The following DLG2 variants were observed in gnomAD, a reference collection of about 807,000 sequenced individuals.
DLG2 encodes the protein discs large MAGUK scaffold protein 2.
In DLG2, 45 loss-of-function variants were observed where a neutral mutation model predicts 132.5. That is an observed-to-expected ratio of 0.34 (90% confidence interval 0.27 to 0.44). The LOEUF (loss-of-function observed/expected upper bound fraction) is 0.44. Among genes scored for constraint, DLG2 ranks in the 20% least tolerant of loss-of-function variants. The pLI, the probability that DLG2 is intolerant of heterozygous loss-of-function variation, is 1.00. For missense variants in DLG2, 1,045 were observed against 1,196.9 expected (o/e 0.87, Z 1.87); for synonymous variants, 424 against 419.6 (o/e 1.01, Z -0.13).
At chr11:83,959,437 T>C (rs2087873453) in intron 14 of DLG2, among the ~76,000 whole-genome samples, 1 of 152,152 alleles carries the variant, frequency 6.6e-6, no homozygotes, top group South Asian at 2.1e-4. Context: ...GTTTCCCTAC[T>C]GGCCCAAGTT....
intron 6 of DLG2, chr11:84,545,700 C>T: frequency 3.6e-6 from 1 of 279,448 alleles, no homozygotes; most frequent in Admixed American, 3.6e-5. Context: ...TTCATGATTT[C>T]AGTCACTTCA....
intron 6 of DLG2, among the ~76,000 whole-genome samples, chr11:84,901,980 G>A (rs1264314951): frequency 6.6e-6 from 1 of 151,952 alleles, no homozygotes; most frequent in Non-Finnish European, 1.5e-5. Flanking sequence ...AAACATATAG[G>A]TTATAATAAG....
chr11:85,319,509 G>T (rs2080907098), intron 3 of DLG2, among the ~76,000 whole-genome samples: 1 of 151,704 alleles, frequency 6.6e-6, no homozygotes, highest in Admixed American at 6.6e-5. Flanking sequence ...CATATAATTT[G>T]TATAAACACT....
At chr11:85,211,359 C>G (rs1374942494) in intron 4 of DLG2, among the ~76,000 whole-genome samples, 1 of 152,022 alleles carries the variant, frequency 6.6e-6, no homozygotes, top group African/African-American at 2.4e-5. Flanking sequence ...GTATGGAGCA[C>G]AAATAACTTC....
chr11:84,162,421 T>C (rs975187361), intron 9 of DLG2, among the ~76,000 whole-genome samples: 1 of 151,906 alleles, frequency 6.6e-6, no homozygotes, highest in South Asian at 2.1e-4. Flanking sequence ...AGACCTTCTA[T>C]CCTTGCAATT....
chr11:84,364,639 C>A (rs1484758555), intron 7 of DLG2, among the ~76,000 whole-genome samples: 1 of 152,220 alleles, frequency 6.6e-6, no homozygotes, highest in African/African-American at 2.4e-5. Context: ...ATGATATTGG[C>A]TGTGGGTTTG....
At chr11:85,580,969 A>G (rs2078473046) in intron 3 of DLG2, among the ~76,000 whole-genome samples, 1 of 152,158 alleles carries the variant, frequency 6.6e-6, no homozygotes. Context: ...TGACCTCAAC[A>G]GACTGTATCA....
chr11:85,319,110 A>G (rs1263745890), intron 3 of DLG2, among the ~76,000 whole-genome samples: 3 of 151,864 alleles, frequency 2.0e-5, no homozygotes, highest in African/African-American at 7.2e-5. Context: ...GGTTCTTTTT[A>G]TACATCCCTA....
At chr11:83,880,909 A>C (rs1456538095) in intron 15 of DLG2, among the ~76,000 whole-genome samples, 2 of 152,160 alleles carry the variant, frequency 1.3e-5, no homozygotes, top group Non-Finnish European at 2.9e-5. Flanking sequence ...CTTACAAATA[A>C]ACATTCATAA....
chr11:83,916,434 A>G (rs1269889149), intron 15 of DLG2, among the ~76,000 whole-genome samples: 2 of 150,760 alleles, frequency 1.3e-5, no homozygotes, highest in East Asian at 3.9e-4. Flanking sequence ...TCCTGTCTCA[A>G]CCTCTTGAGT....
At chr11:84,187,339 G>A (rs1331376070) in intron 8 of DLG2, among the ~76,000 whole-genome samples, 2 of 151,876 alleles carry the variant, frequency 1.3e-5, no homozygotes, top group Admixed American at 6.6e-5. Flanking sequence ...TACTTCAAGA[G>A]TATATATTTA....
chr11:84,618,464 C>G (rs116604666), intron 6 of DLG2, among the ~76,000 whole-genome samples: 42 of 152,040 alleles, frequency 2.8e-4, no homozygotes, highest in African/African-American at 9.2e-4. Context: ...GAAAAATAAG[C>G]AAGACCAAAC....
At chr11:85,536,214 CA>C (rs527811605) in intron 3 of DLG2, among the ~76,000 whole-genome samples, 15,944 of 57,764 alleles carry the variant, frequency 0.28, 786 homozygotes, top group East Asian at 0.39. Flanking sequence ...GACCCTGTCT[CA>C]AAAAAAAAAA....
chr11:83,609,093 A>C (rs1309701443), intron 19 of DLG2, among the ~76,000 whole-genome samples: 1 of 152,180 alleles, frequency 6.6e-6, no homozygotes, highest in Non-Finnish European at 1.5e-5. Context: ...ACATCAAATC[A>C]TAGGATGAAT....
intron 18 of DLG2, among the ~76,000 whole-genome samples, chr11:83,700,629 C>A (rs1270053180): frequency 7.2e-5 from 11 of 151,996 alleles, no homozygotes; most frequent in Admixed American, 7.2e-4. Flanking sequence ...GAACAGTTGC[C>A]AATGAAATGT....
chr11:84,604,622 A>G (rs1179140842), intron 6 of DLG2, among the ~76,000 whole-genome samples: 1 of 151,980 alleles, frequency 6.6e-6, no homozygotes, highest in Non-Finnish European at 1.5e-5. Context: ...AGATAATTTA[A>G]AAAATAAACC....
At chr11:85,376,547 A>G (rs1393435377) in intron 3 of DLG2, among the ~76,000 whole-genome samples, 3 of 152,182 alleles carry the variant, frequency 2.0e-5, no homozygotes, top group Non-Finnish European at 2.9e-5. Flanking sequence ...ATGTTCTTTC[A>G]GTATAGTAAA....
intron 6 of DLG2, among the ~76,000 whole-genome samples, chr11:84,681,700 A>G (rs150065180): frequency 6.6e-6 from 1 of 151,936 alleles, no homozygotes; most frequent in Non-Finnish European, 1.5e-5. Flanking sequence ...ACTCCATTTC[A>G]CTGTCTTGAA....
At chr11:84,173,156 A>C (rs1047873920) in intron 8 of DLG2, among the ~76,000 whole-genome samples, 4 of 152,236 alleles carry the variant, frequency 2.6e-5, no homozygotes, top group African/African-American at 9.6e-5. Flanking sequence ...ATAGTTACTT[A>C]GTATGTTCAA....
Sources: gnomAD v4.1 joint callset for allele counts (sites outside exome capture counted in the v4.1 genomes callset) on GRCh38, gnomAD v4.1.1 for gene constraint, MANE v1.5 for transcripts, NCBI Gene and HGNC (gene_info 2026-07-23, HGNC 2026-07-21) for gene names.